The following PRKN variants were observed in gnomAD, a reference collection of about 807,000 sequenced individuals.
PRKN encodes E3 ubiquitin-protein ligase parkin.
A neutral mutation model predicts 59.5 loss-of-function variants in PRKN; 56 were observed. The ratio of observed to expected loss-of-function variants is 0.94; its 90% CI spans 0.76 to 1.18. The LOEUF (loss-of-function observed/expected upper bound fraction) is 1.18, where lower values mean the gene tolerates loss of function less well. Among genes scored for constraint, PRKN ranks in the 50% most tolerant of loss-of-function variants. PRKN has a pLI of 0.00. For synonymous variants in PRKN, 250 were observed against 222.1 expected, an observed-to-expected ratio of 1.13 and a Z score of -1.12; for missense variants, 657 against 596.4, an observed-to-expected ratio of 1.10 and a Z score of -1.06.
In PRKN at chr6:161,831,195, C is replaced by G. The variant is rs116427215; in HGVS notation, c.735-45287G>C. Among the ~76,000 whole-genome samples, 3 of 152,336 alleles carry G rather than the reference C, an allele frequency of 2.0e-5. No homozygotes were observed. In the East Asian group the frequency reaches 5.8e-4, roughly 29 times the overall value. The stretch of plus-strand genomic sequence containing the variant: ...AGATGCAAACAACTGGAGAAACATA[C>G]AGGTGGTCTGCAGTTTCCACTTACA... On this transcript the variant is annotated intron_variant, in intron 6 of 11. Coordinates refer to ENST00000366898, the MANE Select transcript of PRKN (RefSeq NM_004562.3).
chr6:161,662,267 C>T (rs1490527571), intron 7 of PRKN, among the ~76,000 whole-genome samples: 1 of 152,118 alleles, frequency 6.6e-6, no homozygotes, highest in Non-Finnish European at 1.5e-5. Context: ...CTGCACTCTG[C>T]CTGTGCTGAC....
intron 1 of PRKN, among the ~76,000 whole-genome samples, chr6:162,485,163 AAAGT>A (rs1391530043): frequency 1.3e-5 from 2 of 152,322 alleles, no homozygotes; most frequent in Admixed American, 1.3e-4. Context: ...TATCTTTAAT[AAAGT>A]AATAGGATTT....
At chr6:161,531,119 C>T (rs1212093677) in intron 9 of PRKN, among the ~76,000 whole-genome samples, 3 of 152,164 alleles carry the variant, frequency 2.0e-5, no homozygotes, top group Non-Finnish European at 2.9e-5. Context: ...CGGTGGCTCA[C>T]GCCTGTAATC....
At chr6:162,617,821 T>C (rs1405765363) in intron 1 of PRKN, among the ~76,000 whole-genome samples, 3 of 152,174 alleles carry the variant, frequency 2.0e-5, no homozygotes, top group Non-Finnish European at 4.4e-5. Context: ...CAAGTAATAG[T>C]ACTACCAGGA....
At chr6:162,376,155 C>G (rs1431996456) in intron 2 of PRKN, among the ~76,000 whole-genome samples, 1 of 152,102 alleles carries the variant, frequency 6.6e-6, no homozygotes, top group Non-Finnish European at 1.5e-5. Context: ...CACTGGAGCT[C>G]CAGACACCCA....
chr6:162,118,649 C>A (rs1780778142), intron 4 of PRKN, among the ~76,000 whole-genome samples: 1 of 152,200 alleles, frequency 6.6e-6, no homozygotes, highest in African/African-American at 2.4e-5. Flanking sequence ...GCAACATTAA[C>A]ATGTGCTCTT....
chr6:161,755,065 A>C (rs1194960410), intron 7 of PRKN, among the ~76,000 whole-genome samples: 1 of 152,152 alleles, frequency 6.6e-6, no homozygotes, highest in Non-Finnish European at 1.5e-5. Context: ...CAAACACATC[A>C]ATATGTCATT....
chr6:161,905,576 A>T (rs1055582421), intron 6 of PRKN, among the ~76,000 whole-genome samples: 18 of 152,090 alleles, frequency 1.2e-4, no homozygotes, highest in Admixed American at 2.6e-4. Flanking sequence ...CTTCCTTTTC[A>T]GATCCGCTTC....
chr6:161,375,734 A>C (rs1451698960), intron 10 of PRKN, among the ~76,000 whole-genome samples: 1 of 152,122 alleles, frequency 6.6e-6, no homozygotes, highest in Non-Finnish European at 1.5e-5. Flanking sequence ...CTTCGCACAC[A>C]AGCTGAGTGC....
chr6:162,527,242 A>G (rs1778323178), intron 1 of PRKN, among the ~76,000 whole-genome samples: 1 of 152,188 alleles, frequency 6.6e-6, no homozygotes, highest in Non-Finnish European at 1.5e-5. Context: ...ATAACTGAGT[A>G]TCCACAGCTC....
At chr6:162,411,521 G>A (rs540663205) in intron 2 of PRKN, among the ~76,000 whole-genome samples, 2 of 152,244 alleles carry the variant, frequency 1.3e-5, no homozygotes, top group African/African-American at 2.4e-5. Context: ...TGCAATGTGT[G>A]TGATAAATTA....
At chr6:162,417,830 C>T (rs922793404) in intron 2 of PRKN, among the ~76,000 whole-genome samples, 4 of 152,174 alleles carry the variant, frequency 2.6e-5, no homozygotes, top group African/African-American at 7.2e-5. Context: ...TAAGTGTGAA[C>T]GTGATCATCA....
intron 9 of PRKN, among the ~76,000 whole-genome samples, chr6:161,412,213 ACTCATTCC>A (rs1278039302): frequency 8.6e-6 from 1 of 115,986 alleles, no homozygotes. Context: ...TTCCTTCCTC[ACTCATTCC>A]TTCCTTCCTC....
chr6:162,141,476 A>G (rs1006403671), intron 4 of PRKN, among the ~76,000 whole-genome samples: 21 of 152,336 alleles, frequency 1.4e-4, no homozygotes, highest in African/African-American at 5.0e-4. Flanking sequence ...TTCTAGCTCA[A>G]ATAAGTGCAG....
intron 1 of PRKN, among the ~76,000 whole-genome samples, chr6:162,482,081 C>A (rs141637557): frequency 1.3e-3 from 201 of 152,246 alleles, no homozygotes; most frequent in African/African-American, 4.6e-3. Context: ...CATGGCAACA[C>A]TCACTGCCCA....
chr6:162,206,205 C>T (rs772008899), intron 3 of PRKN, among the ~76,000 whole-genome samples: 10 of 152,162 alleles, frequency 6.6e-5, no homozygotes, highest in Admixed American at 1.3e-4. Flanking sequence ...ATCTCCATTT[C>T]CATCACCACC....
chr6:162,384,351 T>C (rs557033945), intron 2 of PRKN, among the ~76,000 whole-genome samples: 2 of 152,136 alleles, frequency 1.3e-5, no homozygotes, highest in Non-Finnish European at 2.9e-5. Context: ...AATATTATTT[T>C]GTCTCCGAGA....
intron 1 of PRKN, among the ~76,000 whole-genome samples, chr6:162,638,697 T>G (rs1265913314): frequency 6.6e-6 from 1 of 150,920 alleles, no homozygotes; most frequent in Non-Finnish European, 1.5e-5. Context: ...GTACAAGTAC[T>G]TCCGTTTGGT....
chr6:162,407,527 GC>G (rs1281807683), intron 2 of PRKN, among the ~76,000 whole-genome samples: 3 of 152,120 alleles, frequency 2.0e-5, no homozygotes, highest in Non-Finnish European at 4.4e-5. Flanking sequence ...CAACCAGTAG[GC>G]CCCAAACTCA....
Sources: allele counts gnomAD v4.1 joint callset (sites outside exome capture counted in the v4.1 genomes callset), GRCh38; gene constraint gnomAD v4.1.1; transcripts MANE v1.5; gene names NCBI Gene and HGNC (gene_info 2026-07-23, HGNC 2026-07-21).